The following SYBU variants were observed in gnomAD, a reference collection of about 807,000 sequenced individuals.
SYBU encodes GOLSYN A protein.
Under a neutral mutation model 35.9 loss-of-function variants are expected in SYBU, and 21 were observed. The ratio of observed to expected loss-of-function variants is 0.58; its 90% CI spans 0.41 to 0.84. The LOEUF (loss-of-function observed/expected upper bound fraction) is 0.84. Ranked by LOEUF, SYBU falls within the 40% of genes least tolerant of loss-of-function variation. The pLI is 0.00. For synonymous variants in SYBU, 319 were observed against 324.3 expected (o/e 0.98, Z 0.18); for missense variants, 768 against 848.2 (o/e 0.91, Z 1.17).
intron 3 of SYBU, among the ~76,000 whole-genome samples, chr8:109,587,419 A>G (rs1458181613): frequency 6.6e-6 from 1 of 152,246 alleles, no homozygotes; most frequent in Non-Finnish European, 1.5e-5. Context: ...TGAAGCTTAT[A>G]GGTGATAAAT....
At chr8:109,637,825 T>C (rs1255745867) in intron 2 of SYBU, among the ~76,000 whole-genome samples, 1 of 152,216 alleles carries the variant, frequency 6.6e-6, no homozygotes, top group East Asian at 1.9e-4. Flanking sequence ...GGTTATAATT[T>C]GCCTTAATTG....
chr8:109,629,649 G>A (rs1006383264), intron 2 of SYBU, among the ~76,000 whole-genome samples: 1 of 151,962 alleles, frequency 6.6e-6, no homozygotes, highest in African/African-American at 2.4e-5. Flanking sequence ...TAGTCCTTTG[G>A]GTATATACCC....
At position 109,574,981 on chromosome 8, in the gene SYBU, G is replaced by A. The variant is rs947415212; in HGVS notation, c.1917C>T (p.Ile639=). 7 of 1,543,130 alleles carry A rather than the reference G, an allele frequency of 4.5e-6. No homozygotes were observed. Among genetic ancestry groups the A allele is most frequent in the South Asian group, 1.2e-5 (1 of 80,938 alleles). ...QRGGTDPVYN[I]GALLRGCCVV... is the part of the protein sequence containing the mutation. ...CGCAACAGCCCCTGAGCAAGGCCCC[G>A]ATGTTATACACAGGATCCGTTCCCC... Residue 639 remains isoleucine, a synonymous_variant, in exon 7 of 7, where the codon ATC becomes ATT. Transcript: ENST00000276646.
At chr8:109,684,177 G>A (rs1403696458), upstream of SYBU, among the ~76,000 whole-genome samples, 1 of 152,204 alleles carries the variant, frequency 6.6e-6, no homozygotes, top group Non-Finnish European at 1.5e-5. Context: ...TCAGTATGTG[G>A]AATGTTTTCA....
At chr8:109,637,714 A>C (rs1333615446) in intron 2 of SYBU, among the ~76,000 whole-genome samples, 1 of 152,186 alleles carries the variant, frequency 6.6e-6, no homozygotes. Context: ...TCCAGATGCC[A>C]AGTTTCCCCA....
chr8:109,575,833 A>T lies in SYBU; in HGVS notation c.1065T>A (p.Ile355=). Residue 355 remains isoleucine, a synonymous_variant, in exon 7 of 7, where the codon ATT becomes ATA. Transcript: ENST00000276646. ...TGTTTATGTCCACAAAATATTTCTGAATGCCTTTATCTTTATCAGCCAAGC... is the reference window on the plus strand; with the variant it reads ...TGTTTATGTCCACAAAATATTTCTGTATGCCTTTATCTTTATCAGCCAAGC... ...RSSLADKDKG[I]QKYFVDINIQ... is the part of the protein sequence containing the mutation. 1 of 1,613,930 alleles carries T rather than the reference A, an allele frequency of 6.2e-7. No homozygotes were observed. The highest frequency in any genetic ancestry group is 8.5e-7 in the Non-Finnish European group (1 of 1,179,954).
At position 109,691,324 on chromosome 8, in the gene SYBU, C is replaced by T. The variant is rs1013312211; in HGVS notation, c.-58+9G>A. On this transcript the variant is annotated intron_variant, in intron 1 of 7. Transcript: ENST00000422135. This position sits in a 1 kb window ranked among gnomAD's most constrained non-coding sequence, Gnocchi z 4.7. ...GACAGCAGAGACCGCATAGGCGCCC[C>T]GGTCTTACCCTTTCTCGCCCAGAAG... 7 of 701,422 alleles carry T rather than the reference C, an allele frequency of 1.0e-5. No individual in the cohort carries two copies. Among genetic ancestry groups the T allele is most frequent in the African/African-American group, 5.3e-5 (3 of 57,028 alleles). The allele number at this position is 701,422 out of a possible 1,614,324, so 43.4% of individuals were successfully genotyped here. A position where few individuals can be genotyped will look rare whatever the true frequency, so the allele number is the denominator to read the frequency against.
At chr8:109,673,258 T>C (rs577396308) in intron 1 of SYBU, among the ~76,000 whole-genome samples, 6 of 152,210 alleles carry the variant, frequency 3.9e-5, no homozygotes, top group African/African-American at 1.2e-4. Context: ...CCAGCAAGTG[T>C]GAACAGACAC....
intron 2 of SYBU, among the ~76,000 whole-genome samples, chr8:109,634,516 T>C (rs1813993636): frequency 6.6e-6 from 1 of 152,262 alleles, no homozygotes; most frequent in African/African-American, 2.4e-5. Flanking sequence ...ATTCACTTGT[T>C]CTGTTCTCAT....
At chr8:109,620,201 G>T (rs1248019479) in intron 2 of SYBU, among the ~76,000 whole-genome samples, 2 of 152,204 alleles carry the variant, frequency 1.3e-5, no homozygotes, top group Non-Finnish European at 2.9e-5. Context: ...AAACTGATCA[G>T]TTAGTGGTAA....
At chr8:109,645,442 T>G (rs1346906265), upstream of SYBU, 1 of 417,144 alleles carries the variant, frequency 2.4e-6, no homozygotes, top group Admixed American at 2.6e-5. Flanking sequence ...CAGGCTGCTA[T>G]GTAGCCAGAG....
chr8:109,583,482 T>C (rs1034801386), intron 4 of SYBU, among the ~76,000 whole-genome samples: 6 of 152,222 alleles, frequency 3.9e-5, no homozygotes, highest in African/African-American at 1.4e-4. Flanking sequence ...TGTAAGCCTT[T>C]AAAGTTTTTG....
intron 2 of SYBU, among the ~76,000 whole-genome samples, chr8:109,639,795 T>A (rs1049131017): frequency 6.6e-6 from 1 of 152,224 alleles, no homozygotes; most frequent in Non-Finnish European, 1.5e-5. Context: ...TGGTTGGACA[T>A]GTCTTACATT....
At chr8:109,676,502 T>C (rs186995499) in intron 1 of SYBU, among the ~76,000 whole-genome samples, 7 of 152,278 alleles carry the variant, frequency 4.6e-5, no homozygotes, top group Non-Finnish European at 7.4e-5. Context: ...AACACTGTCA[T>C]TATCAAATTA....
chr8:109,647,761 AAC>A (rs1331022793), upstream of SYBU: 3 of 152,234 alleles, frequency 2.0e-5, no homozygotes, highest in Non-Finnish European at 4.4e-5. Context: ...TAAAAAATCC[AAC>A]ATGTGTTCAG....
Position 109,575,560 on chromosome 8 carries a change from C to T in SYBU, c.1338G>A (p.Val446=), listed in dbSNP as rs748193812. Residue 446 remains valine (V), a synonymous_variant, in exon 7 of 7, where the codon GTG becomes GTA. Transcript: ENST00000276646. ...ANSTDLFDEI[V]TATTTESGDL... ...CACCAGATTCTGTGGTGGTGGCTGTCACTATCTCATCGAACAAATCTGTGC... is the reference window on the plus strand; with the variant it reads ...CACCAGATTCTGTGGTGGTGGCTGTTACTATCTCATCGAACAAATCTGTGC... 1 of 1,614,166 alleles carries T rather than the reference C, an allele frequency of 6.2e-7. No individual in the cohort carries two copies. Among genetic ancestry groups the T allele is most frequent in the African/African-American group, 1.3e-5 (1 of 75,054 alleles).
At chr8:109,685,286 G>A (rs1032502612), upstream of SYBU, among the ~76,000 whole-genome samples, 2 of 152,144 alleles carry the variant, frequency 1.3e-5, no homozygotes, top group Non-Finnish European at 2.9e-5. Context: ...ATGCATGGAG[G>A]AAAACAGATA....
upstream of SYBU, among the ~76,000 whole-genome samples, chr8:109,684,773 C>G (rs758930522): frequency 1.2e-4 from 18 of 152,202 alleles, no homozygotes; most frequent in Admixed American, 7.9e-4. Context: ...TTTTCCCACT[C>G]TGTCATTTTT....
At chr8:109,612,303 TA>T (rs1453384450) in intron 3 of SYBU, among the ~76,000 whole-genome samples, 12 of 152,332 alleles carry the variant, frequency 7.9e-5, no homozygotes, top group Admixed American at 4.6e-4. Flanking sequence ...TTCAGAGTGT[TA>T]TTCAAGCCCA....
Sources: gnomAD v4.1 joint callset for allele counts (sites outside exome capture counted in the v4.1 genomes callset) on GRCh38, gnomAD v4.1.1 for gene constraint, Gnocchi (gnomAD v3.1) non-coding constraint, MANE v1.5 for transcripts, NCBI Gene and HGNC (gene_info 2026-07-23, HGNC 2026-07-21) for gene names.